Variants in ZNF438 observed in about 807,000 individuals in gnomAD.
ZNF438 encodes zinc finger protein 438.
Under a neutral mutation model 38.0 loss-of-function variants are expected in ZNF438, and 25 were observed. That is an observed-to-expected ratio of 0.66 (90% CI 0.48 to 0.92). The LOEUF is 0.92. Among genes scored for constraint, ZNF438 ranks in the 40% least tolerant of loss-of-function variants. The pLI, the probability that ZNF438 is intolerant of heterozygous loss-of-function variation, is 0.00. For missense variants in ZNF438, 1,007 were observed against 999.6 expected (o/e 1.01, Z -0.10); for synonymous variants, 372 against 364.1 (o/e 1.02, Z -0.25).
intron 3 of ZNF438, among the ~76,000 whole-genome samples, chr10:30,888,401 A>T (rs915602338): frequency 7.0e-6 from 1 of 142,050 alleles, no homozygotes; most frequent in African/African-American, 2.7e-5. Flanking sequence ...TCAGGAGTAC[A>T]TGTGCGAGTT....
chr10:30,987,825 C>T (rs916611467), intron 1 of ZNF438, among the ~76,000 whole-genome samples: 3 of 152,156 alleles, frequency 2.0e-5, no homozygotes, highest in Non-Finnish European at 1.5e-5. Context: ...TTTGACTTTC[C>T]AGCCTTCCGA....
intron 1 of ZNF438, among the ~76,000 whole-genome samples, chr10:30,950,622 C>G (rs1226252445): frequency 6.7e-6 from 1 of 150,340 alleles, no homozygotes; most frequent in East Asian, 1.9e-4. Context: ...ACAAACACCT[C>G]TATGCAAATA....
intron 4 of ZNF438, among the ~76,000 whole-genome samples, chr10:30,864,786 TAC>T (rs2036156915): frequency 6.6e-6 from 1 of 152,198 alleles, no homozygotes; most frequent in African/African-American, 2.4e-5. Context: ...TGTGTACATA[TAC>T]ACCGCCTCTA....
In ZNF438 at chr10:30,864,031, C is replaced by T. The variant is rs74714200; in HGVS notation, c.37+12967G>A. On this transcript the variant is annotated intron_variant, in intron 4 of 5. Transcript: ENST00000413025. ...TGAGGCACTCTCCCTCTGTCCCACC[C>T]CTGCCCTATCCCCAGGGCCATCTCT... Among the ~76,000 whole-genome samples, 794 of 152,312 alleles carry T rather than the reference C, an allele frequency of 5.2e-3. 8 individuals are homozygous for T. The highest frequency in any genetic ancestry group is 0.018 in the African/African-American group (751 of 41,554).
intron 4 of ZNF438, among the ~76,000 whole-genome samples, chr10:30,861,403 A>G (rs745576933): frequency 6.6e-6 from 1 of 152,202 alleles, no homozygotes; most frequent in Non-Finnish European, 1.5e-5. Flanking sequence ...CAGAACCCAC[A>G]GATGCAGAAC....
chr10:30,987,051 T>C (rs2052891866), intron 1 of ZNF438, among the ~76,000 whole-genome samples: 2 of 152,142 alleles, frequency 1.3e-5, no homozygotes, highest in Admixed American at 6.5e-5. Flanking sequence ...AACTGCAATA[T>C]ATTACCAATC....
intron 2 of ZNF438, chr10:30,919,397 T>G (rs2134865935): frequency 6.6e-6 from 1 of 152,358 alleles, no homozygotes; most frequent in African/African-American, 2.4e-5. Flanking sequence ...TGTCAAATTT[T>G]TCCACTTCCT....
chr10:30,896,165 G>A (rs1207163903), intron 3 of ZNF438, among the ~76,000 whole-genome samples: 3 of 151,844 alleles, frequency 2.0e-5, no homozygotes, highest in Non-Finnish European at 4.4e-5. Flanking sequence ...GCATAGTGAC[G>A]GGCACCTGTA....
At chr10:30,867,233 G>T (rs904079057) in intron 4 of ZNF438, among the ~76,000 whole-genome samples, 9 of 152,122 alleles carry the variant, frequency 5.9e-5, no homozygotes, top group African/African-American at 2.2e-4. Context: ...CTGAATGCAG[G>T]ACTAGATATG....
chr10:30,846,293 C>T (rs909221984), intron 5 of ZNF438, among the ~76,000 whole-genome samples: 7 of 152,208 alleles, frequency 4.6e-5, no homozygotes, highest in African/African-American at 7.2e-5. Context: ...AAGGTGCAGC[C>T]GGGACTTGTG....
At chr10:30,906,388 G>A (rs141589151) in intron 3 of ZNF438, among the ~76,000 whole-genome samples, 8 of 152,176 alleles carry the variant, frequency 5.3e-5, no homozygotes, top group Non-Finnish European at 7.4e-5. Flanking sequence ...TTCCTTGGTA[G>A]TGTATATAAA....
chr10:30,927,864 C>T (rs1461964089), intron 2 of ZNF438, among the ~76,000 whole-genome samples: 1 of 120,094 alleles, frequency 8.3e-6, no homozygotes, highest in East Asian at 2.3e-4. Context: ...AAATTCTTGA[C>T]CTCACTGAGC....
chr10:30,962,060 G>A (rs78412971), intron 1 of ZNF438, among the ~76,000 whole-genome samples: 5,402 of 146,368 alleles, frequency 0.037, 462 homozygotes, highest in African/African-American at 0.12. Flanking sequence ...TCTTCTTAAG[G>A]TTACAAAAGC....
chr10:30,931,224 T>A (rs1416863635), intron 2 of ZNF438, among the ~76,000 whole-genome samples: 1 of 152,232 alleles, frequency 6.6e-6, no homozygotes, highest in Non-Finnish European at 1.5e-5. Flanking sequence ...AGTGGTCATC[T>A]TACTGACCAT....
rs138112704 is a variant in ZNF438, at chr10:30,929,589, G to A, written c.-115+11986C>T. ...AACAAAGCTTTCACAAACAAAGTAC[G>A]GAAGGGGATGCAAGCAGGTTGCTGC... On this transcript the variant is annotated intron_variant, in intron 2 of 5. Transcript: ENST00000413025. 3.8e-3 allele frequency among the ~76,000 whole-genome samples: 576 copies of A among 152,292 alleles called. 2 individuals are homozygous for A. Among genetic ancestry groups the A allele is most frequent in the Non-Finnish European group, 6.2e-3 (422 of 68,006 alleles).
exon 5 of ZNF438, chr10:30,849,341 C>G: frequency 6.2e-7 from 1 of 1,614,228 alleles, no homozygotes; most frequent in South Asian, 1.1e-5. Context: ...TTCACAGGCA[C>G]TCTGCTGTGA....
intron 1 of ZNF438, among the ~76,000 whole-genome samples, chr10:30,982,841 C>G (rs767414327): frequency 2.0e-5 from 3 of 152,086 alleles, no homozygotes; most frequent in Non-Finnish European, 4.4e-5. Flanking sequence ...ATTTTAGAAA[C>G]TGAGAATTTC....
chr10:30,865,082 C>T (rs2036208281), intron 4 of ZNF438, among the ~76,000 whole-genome samples: 1 of 152,246 alleles, frequency 6.6e-6, no homozygotes, highest in Admixed American at 6.5e-5. Context: ...AGTTGTTTAG[C>T]AATTTATCTG....
rs11445638 is a variant in ZNF438 at position 30,966,669 on chromosome 10, CA to C, written c.-191-25019del. Among the ~76,000 whole-genome samples, 1,282 of 129,830 alleles carry C rather than the reference CA, an allele frequency of 9.9e-3. 22 individuals are homozygous for C. Among genetic ancestry groups the C allele is most frequent in the African/African-American group, 0.033 (1,151 of 34,832 alleles). The allele number at this position is 129,830 out of a possible 152,430, so 85.2% of individuals were successfully genotyped here. On this transcript the variant is annotated intron_variant, in intron 1 of 5. Coordinates refer to ENST00000413025, the Ensembl canonical transcript of ZNF438. ...TGGGCAACAGAGCAAGACTCCATCT[CA>C]AAAAAAAAAAAAAAGAAAGAAAGGA...
Sources: allele counts gnomAD v4.1 joint callset (sites outside exome capture counted in the v4.1 genomes callset), GRCh38; gene constraint gnomAD v4.1.1; transcripts MANE v1.5; gene names NCBI Gene and HGNC (gene_info 2026-07-23, HGNC 2026-07-21).